SCN8A: variants seen among roughly 807,000 people sequenced by gnomAD.
The protein encoded by SCN8A is sodium channel protein type 8 subunit alpha.
A neutral mutation model predicts 184.1 loss-of-function variants in SCN8A; 30 were observed. The observed-to-expected ratio is 0.16, with a 90% CI of 0.12 to 0.22. The LOEUF is 0.22. Ranked by LOEUF, SCN8A falls within the 10% of genes least tolerant of loss-of-function variation. SCN8A has a pLI of 1.00. For missense variants in SCN8A, 1,057 were observed against 2,498.9 expected, an observed-to-expected ratio of 0.42 and a Z score of 12.30; for synonymous variants, 852 against 907.0, an observed-to-expected ratio of 0.94 and a Z score of 1.09.
intron 1 of SCN8A, among the ~76,000 whole-genome samples, chr12:51,591,933 C>T (rs1281746895): frequency 6.6e-6 from 1 of 151,502 alleles, no homozygotes; most frequent in Non-Finnish European, 1.5e-5. Flanking sequence ...GCGTTCGTCC[C>T]CCTCCCAACA....
intron 1 of SCN8A, among the ~76,000 whole-genome samples, chr12:51,639,756 A>G (rs996628896): frequency 6.6e-6 from 1 of 151,692 alleles, no homozygotes; most frequent in African/African-American, 2.4e-5. Flanking sequence ...TCAGTCAGTC[A>G]GTAGCGATCA....
chr12:51,753,031 C>A (rs1942619923), intron 14 of SCN8A, among the ~76,000 whole-genome samples: 1 of 152,110 alleles, frequency 6.6e-6, no homozygotes, highest in Non-Finnish European at 1.5e-5. Flanking sequence ...GAACTCCAGT[C>A]AGACCAGGCT....
chr12:51,730,432 T>G (rs1053885746), intron 12 of SCN8A, among the ~76,000 whole-genome samples: 5 of 152,212 alleles, frequency 3.3e-5, no homozygotes, highest in Admixed American at 2.6e-4. Context: ...TATTGTAACT[T>G]TAATTCTTGA....
Position 51,780,717 on chromosome 12 carries a change from G to A in SCN8A, c.3888G>A (p.Arg1296=), listed in dbSNP as rs1565923605. 1.9e-6 allele frequency: 3 copies of A among 1,604,218 alleles called. No individual in the cohort carries two copies. The highest frequency in any genetic ancestry group is 2.5e-6 in the Non-Finnish European group (3 of 1,176,514). Residue 1296 remains arginine (R), a synonymous_variant, in exon 21 of 27, where the codon AGG becomes AGA. Transcript: ENST00000627620. ...AACTAGGTGCCATAAAGTCCCTTAG[G>A]ACCCTAAGAGCTTTGAGACCCTTAA... The part of the protein sequence containing the change: ...YSELGAIKSL[R]TLRALRPLRA...
chr12:51,643,866 A>T lies in SCN8A; in HGVS notation c.-54-18898A>T, dbSNP rs867444025. Among the ~76,000 whole-genome samples the T allele has an allele frequency of 1.2e-4, 19 of 152,234 alleles. No individual in the cohort carries two copies. In the South Asian group the frequency reaches 2.1e-3, roughly 17 times the overall value. ...TAATGACTTAGGAGAGTGTATCCTG[A>T]TACCAGGTTTAAATTCTAAGCTTTC... is the stretch of plus-strand genomic sequence containing the variant. On this transcript the variant is annotated intron_variant, in intron 1 of 26. Transcript: ENST00000627620.
At chr12:51,791,363 T>G (rs1448444058) in intron 25 of SCN8A, among the ~76,000 whole-genome samples, 6 of 152,206 alleles carry the variant, frequency 3.9e-5, no homozygotes, top group Admixed American at 3.3e-4. Flanking sequence ...GTGGTACATC[T>G]ACCGCATCAA....
intron 26 of SCN8A, among the ~76,000 whole-genome samples, chr12:51,805,349 A>AG (rs927999733): frequency 6.6e-6 from 1 of 152,114 alleles, no homozygotes; most frequent in Non-Finnish European, 1.5e-5. Context: ...GAGGTTGAGG[A>AG]GGGAGGATCG....
chr12:51,738,893 C>T (rs1175230076), intron 12 of SCN8A, among the ~76,000 whole-genome samples: 1 of 152,190 alleles, frequency 6.6e-6, no homozygotes, highest in Non-Finnish European at 1.5e-5. Flanking sequence ...TCTACTGCAG[C>T]TCTACCGGCT....
chr12:51,774,168 C>G, intron 19 of SCN8A, 21 bp from the exon 20 acceptor site: 1 of 1,611,968 alleles, frequency 6.2e-7, no homozygotes, highest in East Asian at 2.2e-5. Context: ...CTGTCATAGG[C>G]AGCTGCTGCC....
intron 1 of SCN8A, among the ~76,000 whole-genome samples, chr12:51,627,516 G>A (rs1049633230): frequency 1.3e-5 from 2 of 152,136 alleles, no homozygotes; most frequent in African/African-American, 2.4e-5. Flanking sequence ...CAAGTAGCTG[G>A]GATTACAGGC....
intron 1 of SCN8A, among the ~76,000 whole-genome samples, chr12:51,627,875 T>G (rs1293068159): frequency 1.3e-5 from 2 of 152,252 alleles, no homozygotes; most frequent in African/African-American, 4.8e-5. Context: ...CATTCATATT[T>G]TCTGTCTCCT....
intron 14 of SCN8A, among the ~76,000 whole-genome samples, chr12:51,751,798 C>A (rs568676126): frequency 1.6e-4 from 24 of 152,274 alleles, no homozygotes; most frequent in South Asian, 4.1e-4. Context: ...ACTTTGAAGA[C>A]GTCATTTAGG....
At chr12:51,603,348 A>C (rs566889362) in intron 1 of SCN8A, among the ~76,000 whole-genome samples, 1 of 152,142 alleles carries the variant, frequency 6.6e-6, no homozygotes, top group African/African-American at 2.4e-5. Flanking sequence ...GTATTTTTCA[A>C]TTGTTCTTTT....
chr12:51,697,698 A>G (rs1432620599), intron 6 of SCN8A, among the ~76,000 whole-genome samples: 1 of 152,220 alleles, frequency 6.6e-6, no homozygotes, highest in Non-Finnish European at 1.5e-5. Flanking sequence ...TAAATTATCT[A>G]TTTAAACCTA....
intron 1 of SCN8A, among the ~76,000 whole-genome samples, chr12:51,605,233 C>A (rs997737598): frequency 6.6e-6 from 1 of 151,410 alleles, no homozygotes; most frequent in East Asian, 1.9e-4. Flanking sequence ...GTACACACTG[C>A]ACCATATTTG....
chr12:51,793,878 C>T (rs1376248903), intron 25 of SCN8A, among the ~76,000 whole-genome samples: 3 of 150,780 alleles, frequency 2.0e-5, no homozygotes, highest in African/African-American at 7.3e-5. Flanking sequence ...GGCATGATGG[C>T]TCACACCTGT....
chr12:51,696,317 A>T (rs1400987025), intron 6 of SCN8A, among the ~76,000 whole-genome samples: 3 of 152,238 alleles, frequency 2.0e-5, no homozygotes, highest in Non-Finnish European at 1.5e-5. Context: ...TGAAAACAGT[A>T]AACTTGCGTA....
chr12:51,638,728 A>G (rs1176754144), intron 1 of SCN8A, among the ~76,000 whole-genome samples: 6 of 151,514 alleles, frequency 4.0e-5, no homozygotes, highest in Non-Finnish European at 8.8e-5. Flanking sequence ...TTCATGATCC[A>G]CCCTCCTCAG....
rs901844320 is a variant in SCN8A, at chr12:51,810,974, A to G, written c.*3545A>G. On this transcript the variant is annotated 3_prime_UTR_variant, in exon 27 of 27. Transcript: ENST00000627620. ...TGCAACCAACGTAAACCTGTAAAAG[A>G]CCAACAGTGAAGATTAGTGTATTAG... The G allele has an allele frequency of 5.3e-5, 8 of 152,252 alleles. No individual in the cohort carries two copies. The highest frequency in any genetic ancestry group is 1.9e-4 in the African/African-American group (8 of 41,458). The allele number at this position is 152,252 out of a possible 1,614,324, so 9.4% of individuals were successfully genotyped here.
Sources: gnomAD v4.1 joint callset for allele counts (sites outside exome capture counted in the v4.1 genomes callset) on GRCh38, gnomAD v4.1.1 for gene constraint, MANE v1.5 for transcripts, NCBI Gene and HGNC (gene_info 2026-07-23, HGNC 2026-07-21) for gene names.